Variants in CLEC2A observed in about 807,000 individuals in gnomAD.
CLEC2A encodes the protein C-type lectin domain family 2 member A.
In CLEC2A, 19 loss-of-function variants were observed where a neutral mutation model predicts 18.6. The observed-to-expected ratio is 1.02, with a 90% CI of 0.71 to 1.50. The LOEUF (loss-of-function observed/expected upper bound fraction) is 1.50, where lower values mean the gene tolerates loss of function less well. CLEC2A is among the 40% of genes most tolerant of loss of function. The pLI, the probability that CLEC2A is intolerant of heterozygous loss-of-function variation, is 0.00. For synonymous variants in CLEC2A, 74 were observed against 64.0 expected, an observed-to-expected ratio of 1.16 and a Z score of -0.75; for missense variants, 190 against 207.9, an observed-to-expected ratio of 0.91 and a Z score of 0.53.
intron 1 of CLEC2A, among the ~76,000 whole-genome samples, chr12:9,929,034 CA>C (rs200390946): frequency 1.3e-5 from 2 of 149,280 alleles, no homozygotes; most frequent in Admixed American, 1.3e-4. Flanking sequence ...ACAGTGACAA[CA>C]AAAAAAAAGC....
At chr12:9,888,473 G>T in the CLEC2A span, among the ~76,000 whole-genome samples, 18 of 151,524 alleles carry the variant, frequency 1.2e-4, no homozygotes, top group African/African-American at 3.9e-4. Context: ...CTGGGCAACA[G>T]AGTGAGACTC....
chr12:9,880,520 A>ATGTGTGTGTGTG, the CLEC2A span, among the ~76,000 whole-genome samples: 489 of 147,306 alleles, frequency 3.3e-3, 2 homozygotes, highest in Non-Finnish European at 4.9e-3. Flanking sequence ...AACCATTAGC[A>ATGTGTGTGTGTG]TGTGTGTGTG....
At chr12:9,889,881 C>T in the CLEC2A span, among the ~76,000 whole-genome samples, 1 of 151,828 alleles carries the variant, frequency 6.6e-6, no homozygotes, top group Non-Finnish European at 1.5e-5. Context: ...CCCTATGTAC[C>T]TCAATTTCTT....
chr12:9,928,035 C>T (rs116289691), intron 1 of CLEC2A, among the ~76,000 whole-genome samples: 2,214 of 152,088 alleles, frequency 0.015, 49 homozygotes, highest in African/African-American at 0.051. Flanking sequence ...TATTATTGAC[C>T]TGAACATAAA....
At chr12:9,893,708 CCT>C, downstream of CLEC2A, among the ~76,000 whole-genome samples, 1 of 46,054 alleles carries the variant, frequency 2.2e-5, no homozygotes, top group South Asian at 4.3e-4. Flanking sequence ...TTCCTCCCTC[CCT>C]TTTTTTTCTT....
the CLEC2A span, among the ~76,000 whole-genome samples, chr12:9,881,976 A>T: frequency 3.3e-5 from 5 of 152,086 alleles, no homozygotes; most frequent in Non-Finnish European, 7.4e-5. Context: ...TACAAAACTT[A>T]AAGTTTATAT....
downstream of CLEC2A, chr12:9,895,842 C>A: frequency 6.6e-7 from 1 of 1,516,570 alleles, no homozygotes; most frequent in Non-Finnish European, 8.8e-7. Flanking sequence ...AAATGTACAA[C>A]CAAACATAGA....
At chr12:9,903,553 G>A (rs1392375046) in intron 4 of CLEC2A, among the ~76,000 whole-genome samples, 2 of 152,124 alleles carry the variant, frequency 1.3e-5, no homozygotes, top group Non-Finnish European at 2.9e-5. Flanking sequence ...GTATTATTAG[G>A]TATAAAAGTA....
the CLEC2A span, chr12:9,881,522 T>C: frequency 1.8e-6 from 2 of 1,083,610 alleles, no homozygotes; most frequent in Non-Finnish European, 2.7e-6. Context: ...CAAAGAGACA[T>C]ATCCAAGGTT....
intron 1 of CLEC2A, among the ~76,000 whole-genome samples, chr12:9,931,057 A>T (rs61588248): frequency 0.029 from 4,413 of 152,102 alleles, 228 homozygotes; most frequent in African/African-American, 0.1. Flanking sequence ...AAATTCTCAG[A>T]CTAGATGTTC....
the CLEC2A span, chr12:9,884,885 ATATT>A: frequency 6.8e-6 from 4 of 587,924 alleles, no homozygotes; most frequent in South Asian, 1.3e-4. Flanking sequence ...AAACAGAAAA[ATATT>A]TATAAAGTGA....
intron 2 of CLEC2A, among the ~76,000 whole-genome samples, chr12:9,922,596 T>G (rs1464339540): frequency 6.6e-6 from 1 of 152,186 alleles, no homozygotes; most frequent in African/African-American, 2.4e-5. Flanking sequence ...GGGTAAGAAA[T>G]GGAGGCTTTC....
chr12:9,903,583 T>C (rs1344400235), intron 4 of CLEC2A, among the ~76,000 whole-genome samples: 4 of 152,212 alleles, frequency 2.6e-5, no homozygotes, highest in Non-Finnish European at 2.9e-5. Context: ...GTTCCAATCA[T>C]GACACAGACC....
chr12:9,900,128 C>G (rs934784854), intron 4 of CLEC2A, among the ~76,000 whole-genome samples: 2 of 152,170 alleles, frequency 1.3e-5, no homozygotes, highest in African/African-American at 2.4e-5. Flanking sequence ...CTCCCTTTGT[C>G]TTACTTTCCC....
At chr12:9,891,571 A>G in the CLEC2A span, among the ~76,000 whole-genome samples, 1 of 152,200 alleles carries the variant, frequency 6.6e-6, no homozygotes, top group Non-Finnish European at 1.5e-5. Flanking sequence ...CTCTCAAATC[A>G]TAACTTGGGA....
intron 2 of CLEC2A, among the ~76,000 whole-genome samples, chr12:9,924,542 A>G (rs1190754746): frequency 6.6e-6 from 1 of 152,060 alleles, no homozygotes; most frequent in Non-Finnish European, 1.5e-5. Flanking sequence ...AACCATGCAT[A>G]TGGAAAATCA....
At chr12:9,880,320 T>C in the CLEC2A span, among the ~76,000 whole-genome samples, 10 of 152,198 alleles carry the variant, frequency 6.6e-5, no homozygotes, top group African/African-American at 9.7e-5. Flanking sequence ...ATAGAGATCA[T>C]GCAGAATGGA....
At chr12:9,928,546 T>C (rs905944405) in intron 1 of CLEC2A, among the ~76,000 whole-genome samples, 1 of 152,066 alleles carries the variant, frequency 6.6e-6, no homozygotes, top group Non-Finnish European at 1.5e-5. Flanking sequence ...CAAGACACTG[T>C]TGTGAATATA....
chr12:9,916,099 A>T (rs78207213), intron 4 of CLEC2A, among the ~76,000 whole-genome samples: 59,636 of 151,526 alleles, frequency 0.39, 13,271 homozygotes, highest in Non-Finnish European at 0.51. Flanking sequence ...AAATAAATAT[A>T]ATATTGCTTA....
Sources: allele counts gnomAD v4.1 joint callset (sites outside exome capture counted in the v4.1 genomes callset), GRCh38; gene constraint gnomAD v4.1.1; transcripts MANE v1.5; gene names NCBI Gene and HGNC (gene_info 2026-07-23, HGNC 2026-07-21).